The following EGFR variants were observed in gnomAD, a reference collection of about 807,000 sequenced individuals.
EGFR encodes the protein avian erythroblastic leukemia viral (v-erb-b) oncogene homolog.
In EGFR, 58 loss-of-function variants were observed where a neutral mutation model predicts 143.0. That is an observed-to-expected ratio of 0.41 (90% CI 0.33 to 0.50). EGFR has a LOEUF of 0.50. EGFR is among the 20% of genes least tolerant of loss of function. EGFR has a pLI of 0.39. For missense variants in EGFR, 1,307 were observed against 1,579.0 expected (o/e 0.83, Z 2.92); for synonymous variants, 613 against 594.4 (o/e 1.03, Z -0.45).
chr7:55,151,963 T>TGGAA (rs1785181483), intron 5 of EGFR, among the ~76,000 whole-genome samples: 1 of 152,222 alleles, frequency 6.6e-6, no homozygotes, highest in African/African-American at 2.4e-5. Flanking sequence ...TTCCCAGGAA[T>TGGAA]GGAAGACTTG....
At chr7:55,103,866 A>G (rs1242646537) in intron 1 of EGFR, among the ~76,000 whole-genome samples, 3 of 152,250 alleles carry the variant, frequency 2.0e-5, no homozygotes, top group Non-Finnish European at 2.9e-5. Context: ...AGAATAAAGG[A>G]TGCTGCATAG....
At chr7:55,159,779 T>G (rs1785606116) in intron 11 of EGFR, among the ~76,000 whole-genome samples, 1 of 152,222 alleles carries the variant, frequency 6.6e-6, no homozygotes, top group South Asian at 2.1e-4. Context: ...GGGTGGTGGA[T>G]AGATGGATGA....
intron 1 of EGFR, among the ~76,000 whole-genome samples, chr7:55,042,996 T>C (rs1356211331): frequency 6.6e-6 from 1 of 152,156 alleles, no homozygotes; most frequent in Non-Finnish European, 1.5e-5. Context: ...CAGCCCTCTA[T>C]AAGTATATAT....
chr7:55,065,588 A>T (rs1789446057), intron 1 of EGFR, among the ~76,000 whole-genome samples: 1 of 152,216 alleles, frequency 6.6e-6, no homozygotes, highest in Non-Finnish European at 1.5e-5. Flanking sequence ...TGCAGAAGGA[A>T]TAAGAAATGG....
chr7:55,031,270 T>A (rs964043948), intron 1 of EGFR, among the ~76,000 whole-genome samples: 1 of 152,212 alleles, frequency 6.6e-6, no homozygotes, highest in Admixed American at 6.5e-5. Flanking sequence ...AACAGACAGT[T>A]AGTATATTGA....
chr7:55,019,314 G>A lies in EGFR; in HGVS notation c.37G>A (p.Ala13Thr), dbSNP rs2128853391. The change falls in exon 1 of 28, where the codon GCG (alanine) becomes ACG (threonine). Residue 13 changes from alanine (A) to threonine (T), a missense_variant. Physicochemically the swap from Ala to Thr is moderately conservative, Grantham distance 58. This residue lies in a region of EGFR where 65 missense variants were observed against 37.8 expected (regional missense o/e 1.72). Coordinates refer to ENST00000275493, the MANE Select transcript of EGFR (RefSeq NM_005228.5). Reference protein sequence around the residue: ...PSGTAGAALLALLAALCPASR... With the variant: ...PSGTAGAALLTLLAALCPASR... The stretch of plus-strand genomic sequence containing the variant: ...CGGGACGGCCGGGGCAGCGCTCCTG[G>A]CGCTGCTGGCTGCGCTCTGCCCGGC... 2 of 1,522,754 alleles carry A rather than the reference G, an allele frequency of 1.3e-6. No homozygotes were observed. The highest frequency in any genetic ancestry group is 2.7e-5 in the East Asian group (1 of 36,518). 94.3% of individuals were successfully genotyped at this position (1,522,754 alleles called of 1,614,324 possible).
In EGFR at chr7:55,179,026, G is replaced by A. The variant is rs185188850; in HGVS notation, c.2284-2267G>A. On this transcript the variant is annotated intron_variant, in intron 19 of 27. Transcript: ENST00000275493. ...TCCAGGCCCTCAGAGCACTTGCCAC[G>A]TACTTGCCAACAGATACGGGGCGGA... 7.2e-4 allele frequency among the ~76,000 whole-genome samples: 110 copies of A among 152,276 alleles called. No homozygotes were observed. In the Middle Eastern group the frequency reaches 0.014, roughly 19 times the overall value.
At chr7:55,087,909 A>T (rs948275296) in intron 1 of EGFR, among the ~76,000 whole-genome samples, 17 of 152,168 alleles carry the variant, frequency 1.1e-4, no homozygotes, top group African/African-American at 4.1e-4. Flanking sequence ...AAGTGACATG[A>T]GTCACTTTGG....
At chr7:55,161,825 T>C (rs1337753623) in intron 13 of EGFR, among the ~76,000 whole-genome samples, 194 bp downstream of exon 13, 2 of 152,224 alleles carry the variant, frequency 1.3e-5, no homozygotes, top group African/African-American at 4.8e-5. Context: ...TTAAGCACAA[T>C]AGGAAATAAG....
At chr7:55,035,138 C>T (rs1188269474) in intron 1 of EGFR, among the ~76,000 whole-genome samples, 1 of 152,094 alleles carries the variant, frequency 6.6e-6, no homozygotes, top group Non-Finnish European at 1.5e-5. Flanking sequence ...TAAATATTCA[C>T]TTTAGGATAA....
chr7:55,179,025 C>T lies in EGFR; in HGVS notation c.2284-2268C>T, dbSNP rs116001874. Among the ~76,000 whole-genome samples, 376 of 152,300 alleles carry T rather than the reference C, an allele frequency of 2.5e-3. 2 individuals carry two copies. The highest frequency in any genetic ancestry group is 8.6e-3 in the African/African-American group (356 of 41,574). On this transcript the variant is annotated intron_variant, in intron 19 of 27. Transcript: ENST00000275493. Reference sequence around the variant, plus strand: ...GTCCAGGCCCTCAGAGCACTTGCCACGTACTTGCCAACAGATACGGGGCGG... The same window carrying T: ...GTCCAGGCCCTCAGAGCACTTGCCATGTACTTGCCAACAGATACGGGGCGG...
chr7:55,148,326 C>A (rs916745939), intron 4 of EGFR, among the ~76,000 whole-genome samples: 1 of 151,824 alleles, frequency 6.6e-6, no homozygotes, highest in Non-Finnish European at 1.5e-5. Flanking sequence ...TGCCATGGAT[C>A]AGGTCAGGCA....
rs544100256 is a variant in EGFR, at chr7:55,125,940, C to T, written c.89-16346C>T. ...GTCCTTACAAGCCTTGCAGCAGGAA[C>T]CTCTCCATCCCACTTCCCCTCACAC... On this transcript the variant is annotated intron_variant, in intron 1 of 27. Coordinates refer to ENST00000275493, the MANE Select transcript of EGFR (RefSeq NM_005228.5). Among the ~76,000 whole-genome samples, 8 of 152,280 alleles carry T rather than the reference C, an allele frequency of 5.3e-5. 1 individual carries two copies. The South Asian group carries it at 1.7e-3, about 32-fold the overall frequency.
At chr7:55,159,842 A>C (rs1002878233) in intron 11 of EGFR, among the ~76,000 whole-genome samples, 2 of 152,258 alleles carry the variant, frequency 1.3e-5, no homozygotes, top group African/African-American at 4.8e-5. Flanking sequence ...ATATGTTCTC[A>C]ATTTCCAGGC....
chr7:55,116,409 C>G (rs1030569009), intron 1 of EGFR, among the ~76,000 whole-genome samples: 2 of 152,226 alleles, frequency 1.3e-5, no homozygotes, highest in African/African-American at 4.8e-5. Context: ...CACCACAACT[C>G]CCTTCTAAAA....
rs765499904 is a variant in EGFR, at chr7:55,205,389, C to A, written c.3405C>A (p.Asn1135Lys). Residue 1135 changes from asparagine (N) to lysine (K), a missense_variant, in exon 28 of 28, where the codon AAC becomes AAA. By Grantham distance (94) the Asn-to-Lys change is moderately conservative. This residue lies in a region of EGFR where 313 missense variants were observed against 312.3 expected (regional missense o/e 1.00). Transcript: ENST00000275493. ...ACCCCCACAGCACTGCAGTGGGCAACCCCGAGTATCTCAACACTGTCCAGC... is the reference window on the plus strand; with the variant it reads ...ACCCCCACAGCACTGCAGTGGGCAAACCCGAGTATCTCAACACTGTCCAGC... ...YQDPHSTAVG[N>K]PEYLNTVQPT... is the part of the protein sequence containing the mutation. 1.2e-5 allele frequency: 20 copies of A among 1,614,032 alleles called. No homozygotes were observed. In the Admixed American group the frequency reaches 2.7e-4, roughly 22 times the overall value.
At chr7:55,047,226 C>G (rs1345803261) in intron 1 of EGFR, among the ~76,000 whole-genome samples, 2 of 152,158 alleles carry the variant, frequency 1.3e-5, no homozygotes, top group African/African-American at 4.8e-5. Context: ...GATTGCAGGC[C>G]ATTTGCTGCC....
chr7:55,079,658 G>A (rs373993987), intron 1 of EGFR, among the ~76,000 whole-genome samples: 1 of 152,018 alleles, frequency 6.6e-6, no homozygotes. Context: ...CTTTGCTGCC[G>A]TCTTAAGTTT....
chr7:55,139,964 T>C (rs1480886154), intron 1 of EGFR, among the ~76,000 whole-genome samples: 1 of 152,032 alleles, frequency 6.6e-6, no homozygotes, highest in African/African-American at 2.4e-5. Flanking sequence ...GAAGGGTCAT[T>C]ATCCTCATAG....
Sources: allele counts gnomAD v4.1 joint callset (sites outside exome capture counted in the v4.1 genomes callset), GRCh38; gene constraint gnomAD v4.1.1; regional missense constraint gnomAD v4.1.1; transcripts MANE v1.5; gene names NCBI Gene and HGNC (gene_info 2026-07-23, HGNC 2026-07-21).